Variants in ZNF644 observed in about 807,000 individuals in gnomAD.
ZNF644 encodes the protein zinc finger motif enhancer binding protein 2.
Under a neutral mutation model 108.0 loss-of-function variants are expected in ZNF644, and 20 were observed. The observed-to-expected ratio is 0.19, with a 90% CI of 0.13 to 0.27. The LOEUF (loss-of-function observed/expected upper bound fraction) is 0.27, where lower values mean the gene tolerates loss of function less well. ZNF644 is among the 10% of genes least tolerant of loss of function. The probability of loss-of-function intolerance (pLI) is 1.00; values close to 1 mark genes in which losing one functional copy is unlikely to be tolerated. For missense variants in ZNF644, 1,338 were observed against 1,548.9 expected (o/e 0.86, Z 2.29); for synonymous variants, 542 against 539.1 (o/e 1.01, Z -0.08).
chr1:90,959,478 G>A (rs1570436971), intron 2 of ZNF644, among the ~76,000 whole-genome samples: 1 of 152,254 alleles, frequency 6.6e-6, no homozygotes, highest in East Asian at 1.9e-4. Context: ...TCATAAAAGT[G>A]AAATAGTAAA....
At chr1:90,995,392 C>A (rs561471147) in intron 1 of ZNF644, among the ~76,000 whole-genome samples, 2 of 151,996 alleles carry the variant, frequency 1.3e-5, no homozygotes, top group African/African-American at 2.4e-5. Context: ...TCCTAAGAGA[C>A]CAGTAGGACA....
At chr1:91,003,425 G>A (rs904825233) in intron 1 of ZNF644, among the ~76,000 whole-genome samples, 2 of 151,918 alleles carry the variant, frequency 1.3e-5, no homozygotes, top group African/African-American at 4.8e-5. Flanking sequence ...GCAAACTATT[G>A]CAAGGACAAA....
intron 2 of ZNF644, among the ~76,000 whole-genome samples, chr1:90,980,929 C>T (rs1656485486): frequency 6.6e-6 from 1 of 151,934 alleles, no homozygotes; most frequent in African/African-American, 2.4e-5. Flanking sequence ...CAGCTCTATA[C>T]CTCAAATTTT....
chr1:90,969,091 C>T (rs1008071009), intron 2 of ZNF644, among the ~76,000 whole-genome samples: 1 of 152,286 alleles, frequency 6.6e-6, no homozygotes, highest in Admixed American at 6.5e-5. Flanking sequence ...TGCAATGTTA[C>T]AGATTGAATT....
At chr1:91,013,863 T>C (rs1370969825) in intron 1 of ZNF644, among the ~76,000 whole-genome samples, 1 of 152,238 alleles carries the variant, frequency 6.6e-6, no homozygotes, top group East Asian at 1.9e-4. Flanking sequence ...CATGTTTATA[T>C]GATGAAATAA....
intron 1 of ZNF644, among the ~76,000 whole-genome samples, chr1:91,010,651 T>A (rs1659879427): frequency 6.6e-6 from 1 of 152,166 alleles, no homozygotes; most frequent in Non-Finnish European, 1.5e-5. Context: ...TTATTACAGA[T>A]CATTCATTTT....
intron 4 of ZNF644, among the ~76,000 whole-genome samples, chr1:90,926,456 G>A (rs1003562632): frequency 6.6e-6 from 1 of 152,184 alleles, no homozygotes; most frequent in Non-Finnish European, 1.5e-5. Flanking sequence ...GTCTCTGTCT[G>A]AGGATACACT....
chr1:90,974,795 TAGA>T (rs1655834262), intron 2 of ZNF644, among the ~76,000 whole-genome samples: 1 of 152,198 alleles, frequency 6.6e-6, no homozygotes, highest in Admixed American at 6.5e-5. Flanking sequence ...CTAAAACAGA[TAGA>T]ATAAAGTCAT....
chr1:90,974,857 TAGCCCAGCC>T (rs1655838742), intron 2 of ZNF644, among the ~76,000 whole-genome samples: 1 of 152,208 alleles, frequency 6.6e-6, no homozygotes, highest in Non-Finnish European at 1.5e-5. Flanking sequence ...CTCAATAAAA[TAGCCCAGCC>T]TTACTCTCTC....
intron 1 of ZNF644, among the ~76,000 whole-genome samples, chr1:90,986,387 C>T (rs774478177): frequency 4.0e-5 from 6 of 150,374 alleles, no homozygotes; most frequent in East Asian, 1.9e-4. Flanking sequence ...TAGGAAGAAA[C>T]GACAACTAAA....
intron 2 of ZNF644, among the ~76,000 whole-genome samples, chr1:90,977,525 A>C (rs1656133898): frequency 6.6e-6 from 1 of 152,236 alleles, no homozygotes; most frequent in South Asian, 2.1e-4. Flanking sequence ...GAGCACTCTC[A>C]CAATTTAAAA....
rs759038543 is a variant in ZNF644 at position 90,916,927 on chromosome 1, T to C, written c.3855A>G (p.Gln1285=). The change falls in exon 6 of 6, where the codon CAA becomes CAG. Residue 1285 remains glutamine (Q), a synonymous_variant. Coordinates refer to ENST00000337393, the MANE Select transcript of ZNF644 (RefSeq NM_201269.3). ...GAAGATTAGCGTTTACAATATGTCG[T>C]TGTAAGTGCTTAATCCAGTCTTCCT... The part of the protein sequence containing the change: ...SVQEDWIKHL[Q]RHIVNANLPR... The C allele has an allele frequency of 5.6e-6, 9 of 1,614,074 alleles. No individual in the cohort carries two copies. Among genetic ancestry groups the C allele is most frequent in the Non-Finnish European group, 7.6e-6 (9 of 1,180,040 alleles).
intron 1 of ZNF644, among the ~76,000 whole-genome samples, chr1:91,004,045 C>T (rs1659160057): frequency 1.3e-5 from 2 of 151,994 alleles, no homozygotes; most frequent in African/African-American, 4.8e-5. Context: ...TTTTAAAAAT[C>T]CATAGGGCCT....
At chr1:90,930,673 T>C (rs1341662442) in intron 4 of ZNF644, among the ~76,000 whole-genome samples, 4 of 152,198 alleles carry the variant, frequency 2.6e-5, no homozygotes, top group African/African-American at 9.7e-5. Flanking sequence ...AAAGAAAATA[T>C]TAAAGTACAT....
Position 90,937,774 on chromosome 1 carries a change from C to A in ZNF644, c.3399G>T (p.Lys1133Asn). 1 of 1,613,826 alleles carries A rather than the reference C, an allele frequency of 6.2e-7. No individual in the cohort carries two copies. The highest frequency in any genetic ancestry group is 2.2e-5 in the East Asian group (1 of 44,870). The change falls in exon 4 of 6, where the codon AAG becomes AAT. Residue 1133 changes from lysine (K) to asparagine (N), a missense_variant. Physicochemically the swap from Lys to Asn is moderately conservative, Grantham distance 94. Coordinates refer to ENST00000337393, the MANE Select transcript of ZNF644 (RefSeq NM_201269.3). ...IPLEAYRNGL[K>N]TEALSVSASE... Reference sequence around the variant, plus strand: ...ATGCAGACACTGACAGAGCTTCAGTCTTTAGGCCATTACGGTATGCTTCAA... The same window carrying A: ...ATGCAGACACTGACAGAGCTTCAGTATTTAGGCCATTACGGTATGCTTCAA...
intron 1 of ZNF644, among the ~76,000 whole-genome samples, chr1:91,007,460 C>T (rs1659567710): frequency 6.6e-6 from 1 of 151,860 alleles, no homozygotes; most frequent in Non-Finnish European, 1.5e-5. Flanking sequence ...GTGATCCGCC[C>T]ACCTCGACCA....
chr1:90,954,411 C>CTTT (rs907082184), intron 2 of ZNF644, among the ~76,000 whole-genome samples: 3 of 145,570 alleles, frequency 2.1e-5, no homozygotes, highest in African/African-American at 7.5e-5. Context: ...TCAGGTTCCA[C>CTTT]TTTTTTTTTT....
chr1:90,955,073 T>C (rs556054568), intron 2 of ZNF644, among the ~76,000 whole-genome samples: 4 of 152,326 alleles, frequency 2.6e-5, no homozygotes, highest in Admixed American at 2.6e-4. Context: ...ACAACATTCA[T>C]CTTGTACATC....
chr1:90,987,093 CCTAA>C, intron 1 of ZNF644, among the ~76,000 whole-genome samples: 1 of 146,810 alleles, frequency 6.8e-6, no homozygotes, highest in East Asian at 2.0e-4. Flanking sequence ...AAATCAACAA[CCTAA>C]CTTTATATCT....
Sources: gnomAD v4.1 joint callset for allele counts (sites outside exome capture counted in the v4.1 genomes callset) on GRCh38, gnomAD v4.1.1 for gene constraint, MANE v1.5 for transcripts, NCBI Gene and HGNC (gene_info 2026-07-23, HGNC 2026-07-21) for gene names.